DISC1: variants seen among roughly 807,000 people sequenced by gnomAD.
DISC1 encodes the protein disrupted in schizophrenia 1 protein.
A neutral mutation model predicts 84.5 loss-of-function variants in DISC1; 57 were observed. The ratio of observed to expected loss-of-function variants is 0.67; its 90% CI spans 0.55 to 0.84. The LOEUF is 0.84. DISC1 is among the 40% of genes least tolerant of loss of function. The pLI, the probability that DISC1 is intolerant of heterozygous loss-of-function variation, is 0.00. For synonymous variants in DISC1, 411 were observed against 415.2 expected (o/e 0.99, Z 0.12); for missense variants, 1,000 against 1,057.8 (o/e 0.95, Z 0.76).
At chr1:231,723,982 C>G in intron 3 of DISC1, 1 of 985,368 alleles carries the variant, frequency 1.0e-6, no homozygotes, top group Non-Finnish European at 1.2e-6. Flanking sequence ...TCACCATGAC[C>G]CTGTATATAC....
At chr1:231,997,379 T>C (rs199540252) in intron 10 of DISC1, among the ~76,000 whole-genome samples, 9 of 152,122 alleles carry the variant, frequency 5.9e-5, no homozygotes, top group Non-Finnish European at 1.3e-4. Context: ...GCCAGAGCAA[T>C]GTTGATGGAT....
intron 9 of DISC1, among the ~76,000 whole-genome samples, chr1:231,846,018 G>A (rs1653136187): frequency 6.6e-6 from 1 of 152,068 alleles, no homozygotes. Flanking sequence ...CCAGATGAGA[G>A]CAATGAGAAG....
rs539194523 is a variant in DISC1 at position 231,765,518 on chromosome 1, C to T, written c.1269-1622C>T. Among the ~76,000 whole-genome samples, 20 of 152,222 alleles carry T rather than the reference C, an allele frequency of 1.3e-4. No individual in the cohort carries two copies. The South Asian group carries it at 3.3e-3, about 25-fold the overall frequency. ...ATATTTTTCCCCACTTGTCGTTCGCCTATTAGTTTTAGTTGATGGTGTTTT... is the reference window on the plus strand; with the variant it reads ...ATATTTTTCCCCACTTGTCGTTCGCTTATTAGTTTTAGTTGATGGTGTTTT... On this transcript the variant is annotated intron_variant, in intron 4 of 12. Transcript: ENST00000439617.
chr1:231,654,172 G>A (rs1432390132), intron 1 of DISC1, among the ~76,000 whole-genome samples: 1 of 152,102 alleles, frequency 6.6e-6, no homozygotes, highest in African/African-American at 2.4e-5. Context: ...ATCTTAGGAG[G>A]GTACACAGCT....
intron 9 of DISC1, among the ~76,000 whole-genome samples, chr1:231,827,093 A>G (rs998332838): frequency 2.6e-5 from 4 of 152,040 alleles, no homozygotes; most frequent in Admixed American, 6.6e-5. Flanking sequence ...GGTTCAGGCA[A>G]TTCTTTGCCT....
Position 231,693,933 on chromosome 1 carries a change from C to T in DISC1, c.175C>T (p.Pro59Ser). 6.2e-7 allele frequency: 1 copy of T among 1,614,166 alleles called. No homozygotes were observed. The highest frequency in any genetic ancestry group is 8.5e-7 in the Non-Finnish European group (1 of 1,180,022). Residue 59 changes from proline to serine, a missense_variant, in exon 2 of 13, where the codon CCA (proline) becomes TCA (serine). Pro to Ser is a moderately conservative substitution (Grantham distance 74). Around this residue, in one of 3 missense-constraint regions of DISC1, gnomAD observed 292 missense variants for 280.2 expected, o/e 1.04. Coordinates refer to ENST00000439617, the MANE Select transcript of DISC1 (RefSeq NM_018662.3). The part of the protein sequence containing the change: ...STGPGIGFLS[P>S]AVGTLFRFPG... ...AGGGCCTGGGATCGGGTTCCTTTCCCCAGCAGTGGGCACACTGTTCCGGTT... is the reference window on the plus strand; with the variant it reads ...AGGGCCTGGGATCGGGTTCCTTTCCTCAGCAGTGGGCACACTGTTCCGGTT...
At chr1:231,641,486 C>T (rs2059667022) in intron 1 of DISC1, among the ~76,000 whole-genome samples, 1 of 152,174 alleles carries the variant, frequency 6.6e-6, no homozygotes, top group South Asian at 2.1e-4. Flanking sequence ...ACTGTTACAG[C>T]TCATAAAGGC....
At chr1:231,938,612 C>T (rs1006375174) in intron 9 of DISC1, among the ~76,000 whole-genome samples, 4 of 152,152 alleles carry the variant, frequency 2.6e-5, no homozygotes, top group Admixed American at 1.3e-4. Flanking sequence ...GAGAGCCAGC[C>T]GAGTCCTTCT....
chr1:231,911,881 C>T (rs573884154), intron 9 of DISC1, among the ~76,000 whole-genome samples: 1 of 152,264 alleles, frequency 6.6e-6, no homozygotes, highest in East Asian at 1.9e-4. Context: ...TCTTTTTACT[C>T]CTTTTCCTCT....
chr1:231,728,375 C>A (rs1330306744), intron 3 of DISC1, among the ~76,000 whole-genome samples: 5 of 152,180 alleles, frequency 3.3e-5, no homozygotes, highest in African/African-American at 9.7e-5. Context: ...GGGAGGCAGC[C>A]GCCAACAAGG....
intron 10 of DISC1, among the ~76,000 whole-genome samples, chr1:231,986,400 T>C (rs948729793): frequency 6.6e-6 from 1 of 152,216 alleles, no homozygotes; most frequent in African/African-American, 2.4e-5. Flanking sequence ...TTATCTCTAC[T>C]TACGTTCCTC....
intron 8 of DISC1, among the ~76,000 whole-genome samples, chr1:231,803,709 G>A (rs1400537174): frequency 6.6e-6 from 1 of 152,040 alleles, no homozygotes; most frequent in African/African-American, 2.4e-5. Context: ...AGCACTTTGG[G>A]AGGCCGAGGT....
rs1292376660 is a variant in DISC1, at chr1:231,642,257, G to A, written c.67+15323G>A. 7.2e-4 allele frequency among the ~76,000 whole-genome samples: 109 copies of A among 152,178 alleles called. 2 individuals are homozygous for A. Among genetic ancestry groups the A allele is most frequent in the Non-Finnish European group, 4.4e-5 (3 of 68,016 alleles). ...ACTCGCGCTGGCCCGCAAGCACCGCGCGCAGCCCCCGGTTCCCGCCCGCGC... is the reference window on the plus strand; with the variant it reads ...ACTCGCGCTGGCCCGCAAGCACCGCACGCAGCCCCCGGTTCCCGCCCGCGC... On this transcript the variant is annotated intron_variant, in intron 1 of 12. Coordinates refer to ENST00000439617, the MANE Select transcript of DISC1 (RefSeq NM_018662.3).
chr1:231,807,861 T>C (rs201751916), intron 8 of DISC1, among the ~76,000 whole-genome samples: 63 of 152,328 alleles, frequency 4.1e-4, no homozygotes, highest in Non-Finnish European at 7.4e-4. Context: ...CTATAAAAGC[T>C]GTGAAAAAAA....
intron 3 of DISC1, among the ~76,000 whole-genome samples, chr1:231,709,890 T>C (rs1447750543): frequency 6.6e-6 from 1 of 152,146 alleles, no homozygotes; most frequent in Non-Finnish European, 1.5e-5. Flanking sequence ...GTTCAGGAAG[T>C]CTCTCTTGCG....
intron 3 of DISC1, among the ~76,000 whole-genome samples, chr1:231,748,696 T>C (rs2074278072): frequency 6.6e-6 from 1 of 152,240 alleles, no homozygotes. Context: ...TGGCTTCTTT[T>C]GTTGTTGTGT....
chr1:231,751,732 C>T (rs1416044166), intron 4 of DISC1, among the ~76,000 whole-genome samples: 2 of 152,164 alleles, frequency 1.3e-5, no homozygotes, highest in Non-Finnish European at 2.9e-5. Flanking sequence ...AATATTTGCT[C>T]TTTTGTGACT....
intron 10 of DISC1, among the ~76,000 whole-genome samples, chr1:231,999,806 A>T (rs150112691): frequency 0.016 from 2,316 of 143,174 alleles, 67 homozygotes; most frequent in African/African-American, 0.064. Flanking sequence ...AGATGAATCA[A>T]GCAGAAAAAC....
At chr1:231,720,419 G>C (rs1458989208) in intron 3 of DISC1, among the ~76,000 whole-genome samples, 1 of 152,038 alleles carries the variant, frequency 6.6e-6, no homozygotes, top group Non-Finnish European at 1.5e-5. Flanking sequence ...GCTCACTGCT[G>C]CCTCAAATTC....
Sources: allele counts gnomAD v4.1 joint callset (sites outside exome capture counted in the v4.1 genomes callset), GRCh38; gene constraint gnomAD v4.1.1; regional missense constraint gnomAD v4.1.1; transcripts MANE v1.5; gene names NCBI Gene and HGNC (gene_info 2026-07-23, HGNC 2026-07-21).